The following CNBD1 variants were observed in gnomAD, a reference collection of about 807,000 sequenced individuals.
CNBD1 encodes cyclic nucleotide binding domain containing 1, also known as cyclic nucleotide-binding domain-containing protein 1.
Under a neutral mutation model 54.4 loss-of-function variants are expected in CNBD1, and 71 were observed. The observed-to-expected ratio is 1.30, with a 90% confidence interval of 1.08 to 1.59. The LOEUF is 1.59. Among genes scored for constraint, CNBD1 ranks in the 40% most tolerant of loss-of-function variants. The pLI is 0.00. For missense variants in CNBD1, 659 were observed against 518.0 expected (o/e 1.27, Z -2.64); for synonymous variants, 182 against 170.7 (o/e 1.07, Z -0.51).
At chr8:87,042,628 G>C (rs1433276660) in intron 4 of CNBD1, among the ~76,000 whole-genome samples, 2 of 152,104 alleles carry the variant, frequency 1.3e-5, no homozygotes, top group Non-Finnish European at 2.9e-5. Context: ...AGAGTTTTCT[G>C]TGAAATAATA....
intron 4 of CNBD1, among the ~76,000 whole-genome samples, chr8:87,002,669 C>A (rs886158050): frequency 1.3e-5 from 2 of 151,032 alleles, no homozygotes; most frequent in African/African-American, 4.9e-5. Flanking sequence ...AAGGCCTATT[C>A]TTGTCAGTTG....
chr8:87,353,893 G>A (rs1810361574), intron 10 of CNBD1, 107 bp downstream of exon 10: 3 of 725,226 alleles, frequency 4.1e-6, no homozygotes, highest in South Asian at 2.3e-5. Flanking sequence ...TTAAATTGGG[G>A]TTCACCTGCA....
At chr8:87,112,291 C>T (rs540463611) in intron 4 of CNBD1, among the ~76,000 whole-genome samples, 3 of 152,198 alleles carry the variant, frequency 2.0e-5, no homozygotes, top group South Asian at 4.1e-4. Context: ...GGGATAGTGC[C>T]CTGTTTTTGC....
intron 4 of CNBD1, among the ~76,000 whole-genome samples, chr8:87,112,262 G>A (rs200137787): frequency 2.6e-5 from 4 of 152,142 alleles, no homozygotes; most frequent in South Asian, 4.1e-4. Flanking sequence ...CATTGCCAGG[G>A]CGTTCAATTT....
intron 4 of CNBD1, among the ~76,000 whole-genome samples, chr8:86,968,645 T>G (rs1386679318): frequency 6.6e-6 from 1 of 152,170 alleles, no homozygotes; most frequent in Admixed American, 6.5e-5. Context: ...AAATATTTTT[T>G]AAAAGATTCA....
intron 3 of CNBD1, 39 bp from the exon 4 acceptor site, chr8:86,939,557 A>C (rs772035274): frequency 7.4e-7 from 1 of 1,350,912 alleles, no homozygotes; most frequent in South Asian, 1.6e-5. Flanking sequence ...ATTTTTATGC[A>C]GTATACAACA....
chr8:86,971,846 GTTTTTC>G (rs1252330485), intron 4 of CNBD1, among the ~76,000 whole-genome samples: 1 of 151,828 alleles, frequency 6.6e-6, no homozygotes, highest in Non-Finnish European at 1.5e-5. Context: ...CATTTCAATT[GTTTTTC>G]TTTTATTTAT....
chr8:87,124,566 A>C (rs1450491651), intron 4 of CNBD1, among the ~76,000 whole-genome samples: 3 of 151,856 alleles, frequency 2.0e-5, no homozygotes, highest in Non-Finnish European at 4.4e-5. Flanking sequence ...TGACCATTTA[A>C]TGGACATAGA....
intron 10 of CNBD1, among the ~76,000 whole-genome samples, chr8:87,360,012 A>G (rs1252547967): frequency 6.6e-6 from 1 of 152,034 alleles, no homozygotes; most frequent in Non-Finnish European, 1.5e-5. Flanking sequence ...TTACTGAAAA[A>G]ATAAATTAAT....
At chr8:87,048,928 A>T (rs1458452703) in intron 4 of CNBD1, among the ~76,000 whole-genome samples, 1 of 152,190 alleles carries the variant, frequency 6.6e-6, no homozygotes, top group Non-Finnish European at 1.5e-5. Context: ...TCTTATCCCC[A>T]CCTAGGTGAA....
chr8:87,196,678 A>G (rs1315297496), intron 4 of CNBD1, among the ~76,000 whole-genome samples: 1 of 152,208 alleles, frequency 6.6e-6, no homozygotes, highest in East Asian at 1.9e-4. Flanking sequence ...ACAGCTCAGC[A>G]GATGCCACCC....
At chr8:87,188,871 G>A (rs544440628) in intron 4 of CNBD1, among the ~76,000 whole-genome samples, 1 of 144,706 alleles carries the variant, frequency 6.9e-6, no homozygotes, top group African/African-American at 2.6e-5. Flanking sequence ...GTAGGTAGAA[G>A]CTATTGTTTG....
intron 4 of CNBD1, among the ~76,000 whole-genome samples, chr8:86,969,335 G>T (rs781075761): frequency 6.6e-6 from 1 of 152,158 alleles, no homozygotes; most frequent in Non-Finnish European, 1.5e-5. Flanking sequence ...TTGAAGAGAT[G>T]AAATTTGTAA....
intron 2 of CNBD1, among the ~76,000 whole-genome samples, chr8:87,419,095 A>C (rs1361577343): frequency 2.0e-5 from 2 of 101,878 alleles, no homozygotes; most frequent in Non-Finnish European, 3.9e-5. Flanking sequence ...TGTCCATATT[A>C]TATGTATATA....
chr8:87,377,840 C>T (rs1423930196), intron 10 of CNBD1, among the ~76,000 whole-genome samples: 3 of 150,588 alleles, frequency 2.0e-5, no homozygotes, highest in Non-Finnish European at 2.9e-5. Flanking sequence ...TTAATGATTG[C>T]CATTCTAACT....
intron 4 of CNBD1, among the ~76,000 whole-genome samples, chr8:87,161,872 A>G (rs143221400): frequency 6.6e-6 from 1 of 152,276 alleles, no homozygotes; most frequent in African/African-American, 2.4e-5. Flanking sequence ...TTGAACAAAA[A>G]AGGTCTTTCT....
intron 4 of CNBD1, among the ~76,000 whole-genome samples, chr8:87,007,809 A>G (rs1424889646): frequency 6.6e-6 from 1 of 152,188 alleles, no homozygotes; most frequent in Non-Finnish European, 1.5e-5. Context: ...TAAATTTACT[A>G]TGTATTTATT....
Position 87,037,986 on chromosome 8 carries a change from G to A in CNBD1, c.431+98232G>A, listed in dbSNP as rs567316989. Among the ~76,000 whole-genome samples, 15 of 152,302 alleles carry A rather than the reference G, an allele frequency of 9.8e-5. 1 individual carries two copies. In the South Asian group the frequency reaches 2.9e-3, roughly 29 times the overall value. ...AACTTTCAGTCTCCCATCTGGTGGT[G>A]GAATGGGTCAAAGTCTCACACCAAG... On this transcript the variant is annotated intron_variant, in intron 4 of 10. Transcript: ENST00000518476.
intron 6 of CNBD1, among the ~76,000 whole-genome samples, chr8:87,239,064 T>C (rs1297839430): frequency 6.6e-6 from 1 of 152,156 alleles, no homozygotes; most frequent in African/African-American, 2.4e-5. Context: ...CTACCAGTAC[T>C]CCAGTGATGG....
Sources: allele counts gnomAD v4.1 joint callset (sites outside exome capture counted in the v4.1 genomes callset), GRCh38; gene constraint gnomAD v4.1.1; transcripts MANE v1.5; gene names NCBI Gene and HGNC (gene_info 2026-07-23, HGNC 2026-07-21).